Variants in IGSF10 observed in about 807,000 individuals in gnomAD.
The protein encoded by IGSF10 is immunoglobulin superfamily member 10.
In IGSF10, 126 loss-of-function variants were observed where a neutral mutation model predicts 128.2. The ratio of observed to expected loss-of-function variants is 0.98; its 90% confidence interval spans 0.85 to 1.14. IGSF10 has a LOEUF of 1.14. Among genes scored for constraint, IGSF10 ranks in the 50% most tolerant of loss-of-function variants. The pLI is 0.00. For synonymous variants in IGSF10, 1,185 were observed against 1,146.2 expected, an observed-to-expected ratio of 1.03 and a Z score of -0.68; for missense variants, 3,295 against 3,149.8, an observed-to-expected ratio of 1.05 and a Z score of -1.10.
chr3:151,546,378 T>C, the IGSF10 span, among the ~76,000 whole-genome samples: 1 of 152,158 alleles, frequency 6.6e-6, no homozygotes, highest in African/African-American at 2.4e-5. Context: ...GACAGGGTTT[T>C]GCTCTGTTGC....
At chr3:151,440,309 C>G (rs1374202957) in intron 7 of IGSF10, among the ~76,000 whole-genome samples, 1 of 152,112 alleles carries the variant, frequency 6.6e-6, no homozygotes. Flanking sequence ...GAATGACAGG[C>G]GTGAACCACC....
downstream of IGSF10, chr3:151,435,099 A>ATTCT (rs1449485781): frequency 1.7e-5 from 2 of 115,064 alleles, no homozygotes; most frequent in Admixed American, 2.0e-4. Context: ...TTGCAAATGC[A>ATTCT]TTCTTTTGCA....
At chr3:151,522,317 G>T in the IGSF10 span, among the ~76,000 whole-genome samples, 1 of 152,070 alleles carries the variant, frequency 6.6e-6, no homozygotes, top group Non-Finnish European at 1.5e-5. Flanking sequence ...AATTAAGGAG[G>T]AGAACCTGTT....
chr3:151,553,114 A>G, the IGSF10 span, among the ~76,000 whole-genome samples: 1 of 152,198 alleles, frequency 6.6e-6, no homozygotes, highest in Non-Finnish European at 1.5e-5. Flanking sequence ...AATACAAAGT[A>G]GAAACTCATG....
At chr3:151,507,169 C>T in the IGSF10 span, among the ~76,000 whole-genome samples, 746 of 152,146 alleles carry the variant, frequency 4.9e-3, 7 homozygotes, top group African/African-American at 0.017. Context: ...CCTCTGCTTT[C>T]CCTGTTTTGT....
the IGSF10 span, among the ~76,000 whole-genome samples, chr3:151,507,575 A>G: frequency 2.8e-4 from 42 of 152,240 alleles, no homozygotes; most frequent in East Asian, 7.7e-3. Context: ...AAAACTTACA[A>G]TCGTGGCAGA....
chr3:151,511,288 A>G, the IGSF10 span, among the ~76,000 whole-genome samples: 1 of 152,256 alleles, frequency 6.6e-6, no homozygotes, highest in African/African-American at 2.4e-5. Context: ...CTACAAAGCC[A>G]GAAGAGAGTG....
the IGSF10 span, among the ~76,000 whole-genome samples, chr3:151,493,769 G>A: frequency 3.9e-5 from 6 of 151,950 alleles, no homozygotes; most frequent in African/African-American, 7.2e-5. Flanking sequence ...GACTGTATAT[G>A]TATCCCATAA....
chr3:151,501,497 A>C, the IGSF10 span, among the ~76,000 whole-genome samples: 1 of 152,096 alleles, frequency 6.6e-6, no homozygotes, highest in Non-Finnish European at 1.5e-5. Flanking sequence ...ATTATCATTC[A>C]AGGATCTATT....
At chr3:151,502,407 C>T in the IGSF10 span, among the ~76,000 whole-genome samples, 1 of 151,888 alleles carries the variant, frequency 6.6e-6, no homozygotes, top group Non-Finnish European at 1.5e-5. Context: ...TATGGAGTGA[C>T]GCTTGTATTT....
At position 151,448,619 on chromosome 3, in the gene IGSF10, A is replaced by G. The variant is rs370766864; in HGVS notation, c.1362T>C (p.Ser454=). The G allele has an allele frequency of 9.9e-5, 160 of 1,613,964 alleles. No individual in the cohort carries two copies. Among genetic ancestry groups the G allele is most frequent in the Middle Eastern group, 1.6e-4 (1 of 6,084 alleles). ...CTCTTGGTAAAGTGATTTGAGCATC[A>G]CTGGAGTACTGGATCTGTAATGTAC... ...TFSTLQIQYS[S]DAQITLPRAE... The change falls in exon 6 of 8, where the codon AGT becomes AGC. Residue 454 remains serine (S), a synonymous_variant. Coordinates refer to ENST00000282466, the MANE Select transcript of IGSF10 (RefSeq NM_178822.5).
chr3:151,519,934 C>T, the IGSF10 span, among the ~76,000 whole-genome samples: 2 of 151,760 alleles, frequency 1.3e-5, no homozygotes, highest in Non-Finnish European at 3.0e-5. Context: ...TTAAAGATTT[C>T]ATTTTGCTTC....
At chr3:151,573,581 G>T in the IGSF10 span, among the ~76,000 whole-genome samples, 47 of 152,144 alleles carry the variant, frequency 3.1e-4, no homozygotes, top group African/African-American at 1.1e-3. Flanking sequence ...CATTTGCTTG[G>T]TAGATCTTCC....
the IGSF10 span, among the ~76,000 whole-genome samples, chr3:151,492,588 C>T: frequency 6.6e-6 from 1 of 152,082 alleles, no homozygotes; most frequent in Non-Finnish European, 1.5e-5. Context: ...TGTGGTGGCG[C>T]ATGCCTGTAA....
the IGSF10 span, among the ~76,000 whole-genome samples, chr3:151,532,797 C>T: frequency 1.3e-5 from 2 of 152,126 alleles, no homozygotes; most frequent in Non-Finnish European, 2.9e-5. Context: ...CACTCCTATT[C>T]AACATAGTAT....
intron 2 of IGSF10, among the ~76,000 whole-genome samples, chr3:151,459,782 C>T (rs927113693): frequency 1.3e-5 from 2 of 152,136 alleles, no homozygotes; most frequent in African/African-American, 4.8e-5. Context: ...CTTTTCCAAG[C>T]AAAATGACCT....
At chr3:151,497,850 CGCTG>C in the IGSF10 span, among the ~76,000 whole-genome samples, 2 of 152,002 alleles carry the variant, frequency 1.3e-5, no homozygotes, top group Non-Finnish European at 2.9e-5. Context: ...TCTTTTATTT[CGCTG>C]AGCAGTGGTT....
the IGSF10 span, among the ~76,000 whole-genome samples, chr3:151,501,708 A>T: frequency 1.3e-5 from 2 of 152,120 alleles, no homozygotes. Context: ...ATAGTCAACA[A>T]ATCTGTCTCA....
rs377392405 is a variant in IGSF10 at position 151,458,619 on chromosome 3, G to C, written c.91C>G (p.Arg31Gly). 2 of 1,614,148 alleles carry C rather than the reference G, an allele frequency of 1.2e-6. No homozygotes were observed. Among genetic ancestry groups the C allele is most frequent in the South Asian group, 2.2e-5 (2 of 91,084 alleles). ...VATPGGKACP[R>G]RCACYMPTEV... ...GTAGGCATATAACAGGCACAGCGGC[G>C]AGGACAGGCCTTGCCCCCAGGGGTG... The change falls in exon 3 of 8, where the codon CGC (arginine) becomes GGC (glycine). Residue 31 changes from arginine to glycine, a missense_variant. Transcript: ENST00000282466.
Sources: allele counts gnomAD v4.1 joint callset (sites outside exome capture counted in the v4.1 genomes callset), GRCh38; gene constraint gnomAD v4.1.1; transcripts MANE v1.5; gene names NCBI Gene and HGNC (gene_info 2026-07-23, HGNC 2026-07-21).